The following LRRC61 variants were observed in gnomAD, a reference collection of about 807,000 sequenced individuals.
LRRC61 encodes the protein leucine rich repeat containing 61, also known as leucine-rich repeat-containing protein 61.
Under a neutral mutation model 15.1 loss-of-function variants are expected in LRRC61, and 9 were observed. That is an observed-to-expected ratio of 0.60 (90% CI 0.36 to 1.04). The LOEUF is 1.04. Ranked by LOEUF, LRRC61 falls within the 50% of genes least tolerant of loss-of-function variation. LRRC61 has a pLI of 0.01. For synonymous variants in LRRC61, 173 were observed against 158.6 expected, an observed-to-expected ratio of 1.09 and a Z score of -0.68; for missense variants, 344 against 335.6, an observed-to-expected ratio of 1.03 and a Z score of -0.20.
chr7:150,337,125 G>GT lies in LRRC61; in HGVS notation c.264_265insT (p.Gly89TrpfsTer9). 1 of 1,612,038 alleles carries GT rather than the reference G, an allele frequency of 6.2e-7. No homozygotes were observed. The highest frequency in any genetic ancestry group is 1.3e-5 in the African/African-American group (1 of 75,066). On this transcript the variant is annotated frameshift_variant, in exon 3 of 3. Coordinates refer to ENST00000359623, the MANE Select transcript of LRRC61 (RefSeq NM_001142928.2). LOFTEE classifies it high-confidence loss of function. ...TCAATGTCTCCAACAATCGGCTGAC[G>GT]GGCCTGGAGCCACTGGCCACCTGTG...
the LRRC61 span, among the ~76,000 whole-genome samples, chr7:150,310,148 T>C: frequency 1.4e-4 from 22 of 152,168 alleles, no homozygotes; most frequent in Non-Finnish European, 2.4e-4. Flanking sequence ...CTTCCCTGGT[T>C]ATTCCTGGGC....
At chr7:150,311,667 A>G in the LRRC61 span, among the ~76,000 whole-genome samples, 1 of 151,602 alleles carries the variant, frequency 6.6e-6, no homozygotes, top group African/African-American at 2.4e-5. Context: ...TCATATTTCT[A>G]TTTTTCCAAT....
chr7:150,337,797 C>A lies in LRRC61; in HGVS notation c.*156C>A. On this transcript the variant is annotated 3_prime_UTR_variant, in exon 3 of 3. Transcript: ENST00000359623. Reference sequence around the variant, plus strand: ...TATCCTGAGAGCAGCCCCTCCCCACCATCCCTCCACATGCTGCAAGGACAG... The same window carrying A: ...TATCCTGAGAGCAGCCCCTCCCCACAATCCCTCCACATGCTGCAAGGACAG... 1.3e-6 allele frequency: 1 copy of A among 762,330 alleles called. No homozygotes were observed. The highest frequency in any genetic ancestry group is 2.1e-6 in the Non-Finnish European group (1 of 482,588). 47.2% of individuals were successfully genotyped at this position (762,330 alleles called of 1,614,324 possible).
chr7:150,337,233 G>A lies in LRRC61; in HGVS notation c.372G>A (p.Leu124=). ...AGTGTCTGGCTGGGCTACCGTGCCT[G>A]GAGTACCTGCGGCTCCGAGACCCTT... is the stretch of plus-strand genomic sequence containing the variant. The part of the protein sequence containing the change: ...QLQCLAGLPC[L]EYLRLRDPLA... Residue 124 remains leucine (L), a synonymous_variant, in exon 3 of 3, where the codon CTG becomes CTA. Transcript: ENST00000359623. 6.2e-7 allele frequency: 1 copy of A among 1,604,590 alleles called. No individual in the cohort carries two copies. Among genetic ancestry groups the A allele is most frequent in the Non-Finnish European group, 8.5e-7 (1 of 1,179,906 alleles).
Position 150,335,509 on chromosome 7 carries a change from C to A in LRRC61, c.-144-1209C>A, listed in dbSNP as rs1266996558. On this transcript the variant is annotated intron_variant, in intron 2 of 2. Transcript: ENST00000359623. The surrounding 1 kb of genome is among the most constrained non-coding windows in gnomAD (Gnocchi z 4.3). ...AAGACCGTTTACATCCTCGCCAGCT[C>A]CCTGGTTGGGAACATAGTAAATATC... 1.3e-5 allele frequency among the ~76,000 whole-genome samples: 2 copies of A among 152,200 alleles called. No individual in the cohort carries two copies. Among genetic ancestry groups the A allele is most frequent in the African/African-American group, 4.8e-5 (2 of 41,442 alleles).
rs1031556203 is a variant in LRRC61 at position 150,337,694 on chromosome 7, C to T, written c.*53C>T. On this transcript the variant is annotated 3_prime_UTR_variant, in exon 3 of 3. Transcript: ENST00000359623. ...GCAGGTGGCCTCGCTGCCCCCAGTT[C>T]CCCTCTCTGCCCCCACACTCGTCTT... 28 of 1,487,704 alleles carry T rather than the reference C, an allele frequency of 1.9e-5. No homozygotes were observed. The highest frequency in any genetic ancestry group is 2.8e-5 in the African/African-American group (2 of 70,938). 92.2% of individuals were successfully genotyped at this position (1,487,704 alleles called of 1,614,324 possible).
chr7:150,317,375 T>C, the LRRC61 span, among the ~76,000 whole-genome samples: 1 of 152,176 alleles, frequency 6.6e-6, no homozygotes, highest in Non-Finnish European at 1.5e-5. Context: ...TTCTAACTGG[T>C]GGTTGTTTGC....
rs560834038 is a variant in LRRC61, at chr7:150,337,651, A to G, written c.*10A>G. 6.6e-6 allele frequency: 10 copies of G among 1,520,782 alleles called. No individual in the cohort carries two copies. In the Admixed American group the frequency reaches 8.9e-5, roughly 14 times the overall value. 94.2% of individuals were successfully genotyped at this position (1,520,782 alleles called of 1,614,324 possible). ...TTCCTTCGTCTTCTGAACGTGGCCT[A>G]TGGCCCAGGACAGCCTGGCAGGTGG... On this transcript the variant is annotated 3_prime_UTR_variant, in exon 3 of 3. Transcript: ENST00000359623.
chr7:150,317,886 G>A, the LRRC61 span, among the ~76,000 whole-genome samples: 8 of 151,916 alleles, frequency 5.3e-5, no homozygotes, highest in Non-Finnish European at 1.2e-4. Flanking sequence ...GTTGAATGGG[G>A]TTGGGTTTAT....
At chr7:150,323,142 T>C (rs1797730391), upstream of LRRC61, 1 of 203,714 alleles carries the variant, frequency 4.9e-6, no homozygotes, top group Non-Finnish European at 1.0e-5. Context: ...TTACCGACTG[T>C]TGACCTCACG....
the LRRC61 span, among the ~76,000 whole-genome samples, chr7:150,316,258 T>C: frequency 6.6e-6 from 1 of 152,242 alleles, no homozygotes; most frequent in Non-Finnish European, 1.5e-5. Context: ...TGTACCATAC[T>C]TTCTTTAAGC....
At chr7:150,314,985 T>A in the LRRC61 span, among the ~76,000 whole-genome samples, 3 of 147,554 alleles carry the variant, frequency 2.0e-5, no homozygotes, top group African/African-American at 4.9e-5. Flanking sequence ...GTATTATTTT[T>A]AATAATATTA....
At position 150,330,179 on chromosome 7, in the gene LRRC61, C is replaced by T. The variant is rs998588976; in HGVS notation, c.-145+4169C>T. 1.7e-6 allele frequency: 1 copy of T among 585,904 alleles called. No homozygotes were observed. Among genetic ancestry groups the T allele is most frequent in the African/African-American group, 1.9e-5 (1 of 53,424 alleles). The allele number at this position is 585,904 out of a possible 1,614,324, so 36.3% of individuals were successfully genotyped here. The stretch of plus-strand genomic sequence containing the variant: ...AAGGCTCTGTGGAGGCCCAGGGACT[C>T]CTCACCCAGCTCCAGCGCCAGCGCA... On this transcript the variant is annotated intron_variant, in intron 2 of 2. Coordinates refer to ENST00000359623, the MANE Select transcript of LRRC61 (RefSeq NM_001142928.2). The surrounding 1 kb of genome is among the most constrained non-coding windows in gnomAD (Gnocchi z 4.6).
chr7:150,336,311 AAAC>A (rs1296634276), intron 2 of LRRC61, among the ~76,000 whole-genome samples: 2 of 152,240 alleles, frequency 1.3e-5, no homozygotes, highest in Non-Finnish European at 2.9e-5. Context: ...CCCAGAAAGA[AAAC>A]AAAAGAAACT....
chr7:150,319,956 C>G (rs1797332732), upstream of LRRC61, among the ~76,000 whole-genome samples: 1 of 152,228 alleles, frequency 6.6e-6, no homozygotes, highest in Non-Finnish European at 1.5e-5. Context: ...AGTTTTGTAC[C>G]TACAGGAAGA....
rs979381609 is a variant in LRRC61 at position 150,337,830 on chromosome 7, G to A, written c.*189G>A. The A allele has an allele frequency of 1.2e-5, 8 of 666,636 alleles. No homozygotes were observed. The South Asian group carries it at 1.4e-4, about 12-fold the overall frequency. 41.3% of individuals were successfully genotyped at this position (666,636 alleles called of 1,614,324 possible). A position where few individuals can be genotyped will look rare whatever the true frequency, so the allele number is the denominator to read the frequency against. ...CACATGCTGCAAGGACAGACTGAAG[G>A]GCTGTGAGCAGGTGTAAGGGCTCCC... On this transcript the variant is annotated 3_prime_UTR_variant, in exon 3 of 3. Transcript: ENST00000359623.
chr7:150,329,399 G>A (rs571166796), intron 2 of LRRC61, among the ~76,000 whole-genome samples: 24 of 152,338 alleles, frequency 1.6e-4, no homozygotes, highest in African/African-American at 5.1e-4. Context: ...ACCGAGGTAC[G>A]GTATCCAAGG....
Position 150,326,002 on chromosome 7 carries a change from T to C in LRRC61, c.-153T>C, listed in dbSNP as rs1433029809. 6.6e-6 allele frequency: 1 copy of C among 152,540 alleles called. No homozygotes were observed. Among genetic ancestry groups the C allele is most frequent in the Non-Finnish European group, 1.5e-5 (1 of 68,040 alleles). The allele number at this position is 152,540 out of a possible 1,614,324, so 9.4% of individuals were successfully genotyped here. ...GCGAGGGTTGAAGATTGTGAAGCAA[T>C]AGCCTAAGGTAAACAACACCTTGCA... On this transcript the variant is annotated 5_prime_UTR_variant, in exon 2 of 3. Coordinates refer to ENST00000359623, the MANE Select transcript of LRRC61 (RefSeq NM_001142928.2).
At chr7:150,310,389 TGTTACA>T in the LRRC61 span, among the ~76,000 whole-genome samples, 1 of 152,200 alleles carries the variant, frequency 6.6e-6, no homozygotes, top group Admixed American at 6.5e-5. Context: ...ATCACTTGCC[TGTTACA>T]GCATGGCCTT....
Sources: allele counts gnomAD v4.1 joint callset (sites outside exome capture counted in the v4.1 genomes callset), GRCh38; gene constraint gnomAD v4.1.1; non-coding constraint Gnocchi (gnomAD v3.1); transcripts MANE v1.5; gene names NCBI Gene and HGNC (gene_info 2026-07-23, HGNC 2026-07-21).